C6: variants seen among roughly 807,000 people sequenced by gnomAD.
The protein encoded by C6 is complement C6.
C6 carries 101 observed loss-of-function variants against 112.9 expected under a neutral mutation model. The observed-to-expected ratio is 0.89, with a 90% confidence interval of 0.76 to 1.06. The LOEUF is 1.06. Ranked by LOEUF, C6 falls within the 50% of genes least tolerant of loss-of-function variation. The probability of loss-of-function intolerance (pLI) is 0.00; values close to 1 mark genes in which losing one functional copy is unlikely to be tolerated. For missense variants in C6, 1,202 were observed against 1,104.6 expected (o/e 1.09, Z -1.25); for synonymous variants, 431 against 384.1 (o/e 1.12, Z -1.43).
chr5:41,218,875 T>C (rs1292629820), intron 1 of C6, among the ~76,000 whole-genome samples: 1 of 152,188 alleles, frequency 6.6e-6, no homozygotes, highest in Non-Finnish European at 1.5e-5. Flanking sequence ...TTAGAGAATA[T>C]AAATACTGTC....
At chr5:41,218,487 A>C (rs1473783013), upstream of C6, among the ~76,000 whole-genome samples, 1 of 152,196 alleles carries the variant, frequency 6.6e-6, no homozygotes, top group Non-Finnish European at 1.5e-5. Flanking sequence ...TTTTTAAGAA[A>C]TATTTCTTTA....
intron 13 of C6, 104 bp from the exon 14 acceptor site, chr5:41,155,208 C>T (rs1746782543): frequency 3.7e-6 from 4 of 1,080,432 alleles, no homozygotes; most frequent in Non-Finnish European, 5.5e-6. Context: ...TGGATCTACT[C>T]AGTCACCAAG....
intron 1 of C6, among the ~76,000 whole-genome samples, chr5:41,219,960 G>C (rs1244364707): frequency 6.6e-6 from 1 of 152,070 alleles, no homozygotes; most frequent in Non-Finnish European, 1.5e-5. Context: ...TCAGGAGTGT[G>C]GCCAAAGTAA....
chr5:41,208,201 T>G (rs1303762679), intron 1 of C6, among the ~76,000 whole-genome samples: 1 of 152,134 alleles, frequency 6.6e-6, no homozygotes, highest in African/African-American at 2.4e-5. Flanking sequence ...TACCAGAATC[T>G]CTGGGACACA....
At chr5:41,182,658 T>A (rs1749448611) in intron 6 of C6, among the ~76,000 whole-genome samples, 1 of 152,228 alleles carries the variant, frequency 6.6e-6, no homozygotes, top group Admixed American at 6.5e-5. Context: ...TTGTTTTCAA[T>A]AAGGTATAGC....
intron 2 of C6, among the ~76,000 whole-genome samples, 178 bp downstream of exon 2, chr5:41,202,910 A>T (rs1751142347): frequency 6.6e-6 from 1 of 152,240 alleles, no homozygotes; most frequent in South Asian, 2.1e-4. Flanking sequence ...TGTAGAAAGA[A>T]CAAAAGTAGA....
chr5:41,207,878 C>G (rs1441228210), intron 1 of C6, among the ~76,000 whole-genome samples: 1 of 152,134 alleles, frequency 6.6e-6, no homozygotes, highest in Non-Finnish European at 1.5e-5. Flanking sequence ...CCAAGCGGAC[C>G]TAATAGACAT....
At chr5:41,192,888 T>C (rs571496984) in intron 5 of C6, among the ~76,000 whole-genome samples, 1 of 152,242 alleles carries the variant, frequency 6.6e-6, no homozygotes, top group Admixed American at 6.5e-5. Flanking sequence ...GGGAAAGAAA[T>C]GAAGCTTGAT....
At chr5:41,209,571 C>T (rs1751724789) in intron 1 of C6, among the ~76,000 whole-genome samples, 1 of 152,008 alleles carries the variant, frequency 6.6e-6, no homozygotes, top group South Asian at 2.1e-4. Flanking sequence ...TTCCTATATA[C>T]CCATAATAGA....
chr5:41,164,179 A>C (rs17260165), intron 9 of C6, among the ~76,000 whole-genome samples: 52,105 of 152,014 alleles, frequency 0.34, 9,390 homozygotes, highest in Non-Finnish European at 0.42. Flanking sequence ...AAGACCAATA[A>C]AATAGTTTTT....
intron 1 of C6, among the ~76,000 whole-genome samples, chr5:41,246,209 T>C (rs1741010947): frequency 6.6e-6 from 1 of 152,204 alleles, no homozygotes. Flanking sequence ...ATCTTGGTGC[T>C]ACGTTTCTCT....
At chr5:41,151,517 T>C (rs974973677) in intron 15 of C6, among the ~76,000 whole-genome samples, 1 of 152,190 alleles carries the variant, frequency 6.6e-6, no homozygotes, top group African/African-American at 2.4e-5. Context: ...CTTTAAGACA[T>C]CCAAACAACG....
rs1748280190 is a variant in C6 at position 41,169,812 on chromosome 5, C to T, written c.1291+2413G>A. On this transcript the variant is annotated intron_variant, in intron 9 of 17. Coordinates refer to ENST00000337836, the MANE Select transcript of C6 (RefSeq NM_000065.5). ...GATCCAGTCACCTCCCACCAGACCC[C>T]TCCTCCAACATTGGGGATTACAATT... Among the ~76,000 whole-genome samples the T allele has an allele frequency of 5.3e-5, 8 of 152,274 alleles. No homozygotes were observed. In the South Asian group the frequency reaches 1.7e-3, roughly 32 times the overall value.
At position 41,199,857 on chromosome 5, in the gene C6, G is replaced by A. The variant is rs1801033; in HGVS notation, c.356C>T (p.Ala119Val). ...PSQFGGQPCT[A>V]PLVAFQPCIP... ...GCATGGTTGAAAGGCTACCAGAGGC[G>A]CAGTGCATGGCTGTCCCCCAAACTG... The change falls in exon 4 of 18, where the codon GCG becomes GTG. Residue 119 changes from alanine to valine, a missense_variant. Coordinates refer to ENST00000337836, the MANE Select transcript of C6 (RefSeq NM_000065.5). 5.0e-6 allele frequency: 8 copies of A among 1,613,240 alleles called. No homozygotes were observed. Among genetic ancestry groups the A allele is most frequent in the South Asian group, 1.1e-5 (1 of 91,070 alleles).
chr5:41,241,147 C>T (rs747184064), intron 1 of C6, among the ~76,000 whole-genome samples: 1 of 152,154 alleles, frequency 6.6e-6, no homozygotes, highest in Non-Finnish European at 1.5e-5. Flanking sequence ...GGTTGGCATG[C>T]CCCAGCAGCA....
rs146338193 is a variant in C6 at position 41,253,950 on chromosome 5, C to A, written c.-21+7244G>T. Among the ~76,000 whole-genome samples, 635 of 152,236 alleles carry A rather than the reference C, an allele frequency of 4.2e-3. 5 individuals carry two copies. The highest frequency in any genetic ancestry group is 0.015 in the African/African-American group (606 of 41,532). On this transcript the variant is annotated intron_variant, in intron 1 of 17. Coordinates refer to the C6 transcript ENST00000263413. Reference sequence around the variant, plus strand: ...TTGGGATTTTATAACATTCCAAGTTCTCTAAGTATAGATCCCAACCTTAAA... The same window carrying A: ...TTGGGATTTTATAACATTCCAAGTTATCTAAGTATAGATCCCAACCTTAAA...
chr5:41,172,267 C>A lies in C6; in HGVS notation c.1249G>T (p.Glu417Ter). Residue 417 changes from glutamate (E) to a stop codon, truncating the protein, a stop_gained, in exon 9 of 18, where the codon GAA (glutamate) becomes TAA (stop). Coordinates refer to ENST00000337836, the MANE Select transcript of C6 (RefSeq NM_000065.5). LOFTEE classifies it high-confidence loss of function. ...RVLFAKKTKV[E>*]HRCTTNKLSE... ...AGCTTGTTGGTGGTGCACCTATGTT[C>A]CACTTTTGTTTTCTTAGCAAATAAA... 1 of 1,613,752 alleles carries A rather than the reference C, an allele frequency of 6.2e-7. No homozygotes were observed. The highest frequency in any genetic ancestry group is 8.5e-7 in the Non-Finnish European group (1 of 1,179,728).
At chr5:41,164,685 G>A (rs1053642397) in intron 9 of C6, among the ~76,000 whole-genome samples, 1 of 152,082 alleles carries the variant, frequency 6.6e-6, no homozygotes, top group Non-Finnish European at 1.5e-5. Context: ...CTATTGCAAC[G>A]GTCTCTAACT....
intron 1 of C6, among the ~76,000 whole-genome samples, chr5:41,251,023 C>T (rs1033722043): frequency 2.0e-5 from 3 of 152,164 alleles, no homozygotes; most frequent in African/African-American, 7.2e-5. Flanking sequence ...ATCTGAAGAC[C>T]TTGAAGCTCA....
Sources: allele counts gnomAD v4.1 joint callset (sites outside exome capture counted in the v4.1 genomes callset), GRCh38; gene constraint gnomAD v4.1.1; transcripts MANE v1.5; gene names NCBI Gene and HGNC (gene_info 2026-07-23, HGNC 2026-07-21).